FOXK1: variants seen among roughly 807,000 people sequenced by gnomAD.
FOXK1 encodes the protein forkhead box K1, also known as forkhead box protein K1.
A neutral mutation model predicts 51.9 loss-of-function variants in FOXK1; 19 were observed. That is an observed-to-expected ratio of 0.37 (90% confidence interval 0.26 to 0.54). The LOEUF is 0.54. FOXK1 is among the 20% of genes least tolerant of loss of function. FOXK1 has a pLI of 0.87. For missense variants in FOXK1, 870 were observed against 1,032.7 expected, an observed-to-expected ratio of 0.84 and a Z score of 2.16; for synonymous variants, 537 against 482.6, an observed-to-expected ratio of 1.11 and a Z score of -1.48.
intron 1 of FOXK1, among the ~76,000 whole-genome samples, chr7:4,732,750 C>G (rs906482151): frequency 6.6e-6 from 1 of 152,222 alleles, no homozygotes; most frequent in African/African-American, 2.4e-5. Context: ...AGTTTTCGCC[C>G]TGTTGTAGAC....
In FOXK1 at chr7:4,761,481, A is replaced by G. The variant is rs1319983415; in HGVS notation, c.1921+193A>G. Among the ~76,000 whole-genome samples, 1 of 152,068 alleles carries G rather than the reference A, an allele frequency of 6.6e-6. No homozygotes were observed. Among genetic ancestry groups the G allele is most frequent in the East Asian group, 1.9e-4 (1 of 5,180 alleles). On this transcript the variant is annotated intron_variant, in intron 8 of 8. Coordinates refer to ENST00000328914, the MANE Select transcript of FOXK1 (RefSeq NM_001037165.2). The surrounding 1 kb of genome is among the most constrained non-coding windows in gnomAD (Gnocchi z 6.2). ...GGAAGGGGCCACCTATCATCCCAGC[A>G]CCTTGGGAGGCCAAGGCAGGCAGAT...
chr7:4,746,942 A>G (rs1181871343), intron 2 of FOXK1, among the ~76,000 whole-genome samples: 1 of 152,036 alleles, frequency 6.6e-6, no homozygotes, highest in Non-Finnish European at 1.5e-5. Context: ...TTCCCAGCTG[A>G]GAACTCTGGG....
chr7:4,702,507 T>C (rs1378705274), intron 1 of FOXK1, among the ~76,000 whole-genome samples: 2 of 152,106 alleles, frequency 1.3e-5, no homozygotes, highest in Non-Finnish European at 2.9e-5. Flanking sequence ...CATGCCTGGC[T>C]AATTTTTTTG....
rs750705800 is a variant in FOXK1 at position 4,740,961 on chromosome 7, C to T, written c.684C>T (p.His228=). ...CCCAGATCTCCCCTCTGAAGATCCACATCCCGGAGCCGGACCTCCGGAGCA... is the reference window on the plus strand; with the variant it reads ...CCCAGATCTCCCCTCTGAAGATCCATATCCCGGAGCCGGACCTCCGGAGCA... ...LYPQISPLKI[H]IPEPDLRSMV... Residue 228 remains histidine, a synonymous_variant, in exon 2 of 9, where the codon CAC becomes CAT. Transcript: ENST00000328914. 5.7e-6 allele frequency: 9 copies of T among 1,567,420 alleles called. No individual in the cohort carries two copies. Among genetic ancestry groups the T allele is most frequent in the African/African-American group, 1.4e-5 (1 of 71,722 alleles).
At chr7:4,760,016 C>CA (rs1780910525) in intron 7 of FOXK1, 1 of 178,492 alleles carries the variant, frequency 5.6e-6, no homozygotes. Context: ...GGCGACAGAG[C>CA]AAAACCCTGT....
rs565305303 is a variant in FOXK1, at chr7:4,708,694, C to T, written c.560+25826C>T. On this transcript the variant is annotated intron_variant, in intron 1 of 8. Transcript: ENST00000328914. ...CTGTTCCCTTCCTGGGGCTCCCAGCCTGGGGTGAACTTCATTCCTGCCAGC... is the reference window on the plus strand; with the variant it reads ...CTGTTCCCTTCCTGGGGCTCCCAGCTTGGGGTGAACTTCATTCCTGCCAGC... 7.2e-5 allele frequency among the ~76,000 whole-genome samples: 11 copies of T among 152,320 alleles called. No individual in the cohort carries two copies. The East Asian group carries it at 1.7e-3, about 24-fold the overall frequency.
In FOXK1 at chr7:4,759,167, G is replaced by T. The variant is rs754614967; in HGVS notation, c.1361G>T (p.Gly454Val). 6.2e-7 allele frequency: 1 copy of T among 1,612,842 alleles called. No individual in the cohort carries two copies. Among genetic ancestry groups the T allele is most frequent in the Admixed American group, 1.7e-5 (1 of 60,028 alleles). The change falls in exon 6 of 9, where the codon GGG (glycine) becomes GTG (valine). Residue 454 changes from glycine (G) to valine (V), a missense_variant. Around this residue, in one of 3 missense-constraint regions of FOXK1, gnomAD observed 457 missense variants for 510.8 expected, o/e 0.89. Coordinates refer to ENST00000328914, the MANE Select transcript of FOXK1 (RefSeq NM_001037165.2). The stretch of plus-strand genomic sequence containing the variant: ...CCCATTCCACACGACCCTGAGTTTG[G>T]GTCCAAGTTAGCTTCTGTCCCAGAG... ...GSPIPHDPEF[G>V]SKLASVPEYR...
intron 1 of FOXK1, among the ~76,000 whole-genome samples, chr7:4,704,464 A>AAAAAG (rs1321850337): frequency 2.0e-5 from 3 of 151,678 alleles, no homozygotes; most frequent in African/African-American, 7.3e-5. Flanking sequence ...AAAAAAAAAA[A>AAAAAG]AAAAGAAAAG....
rs1341598076 is a variant in FOXK1, at chr7:4,767,524, G to A, written c.*5060G>A. The A allele has an allele frequency of 6.6e-6, 1 of 152,098 alleles. No homozygotes were observed. The highest frequency in any genetic ancestry group is 1.5e-5 in the Non-Finnish European group (1 of 68,048). The allele number at this position is 152,098 out of a possible 1,614,324, so 9.4% of individuals were successfully genotyped here. ...TGAGAATACTTTACATTGCTCACAT[G>A]TGCTGCTATGAAGACAGGATTAGTC... is the stretch of plus-strand genomic sequence containing the variant. On this transcript the variant is annotated 3_prime_UTR_variant, in exon 9 of 9. Coordinates refer to ENST00000328914, the MANE Select transcript of FOXK1 (RefSeq NM_001037165.2). This position sits in a 1 kb window ranked among gnomAD's most constrained non-coding sequence, Gnocchi z 6.6.
At chr7:4,686,584 G>C (rs1407090128) in intron 1 of FOXK1, among the ~76,000 whole-genome samples, 1 of 152,090 alleles carries the variant, frequency 6.6e-6, no homozygotes, top group East Asian at 1.9e-4. Flanking sequence ...TGACTTGGAG[G>C]AACTGCCCGG....
chr7:4,705,554 T>TCTCTCTCTCTCGCTCTCG lies in FOXK1; in HGVS notation c.560+22691_560+22692insTCTCTCGCTCTCGCTCTC, dbSNP rs895937029. Among the ~76,000 whole-genome samples, 6 of 131,600 alleles carry TCTCTCTCTCTCGCTCTCG rather than the reference T, an allele frequency of 4.6e-5. 1 individual carries two copies. The highest frequency in any genetic ancestry group is 1.9e-4 in the African/African-American group (6 of 31,788). The allele number at this position is 131,600 out of a possible 152,430, so 86.3% of individuals were successfully genotyped here. ...CTCTCTCTCTCTCTCTCTCTCTCTCTCTCTCGCTCTCGCTCTCTCGTCGCC... is the reference window on the plus strand; with the variant it reads ...CTCTCTCTCTCTCTCTCTCTCTCTCTCTCTCTCTCTCGCTCTCGCTCTCGCTCTCGCTCTCTCGTCGCC... On this transcript the variant is annotated intron_variant, in intron 1 of 8. Transcript: ENST00000328914.
At position 4,764,382 on chromosome 7, in the gene FOXK1, G is replaced by T. The variant is rs1019416865; in HGVS notation, c.*1918G>T. On this transcript the variant is annotated 3_prime_UTR_variant, in exon 9 of 9. Coordinates refer to ENST00000328914, the MANE Select transcript of FOXK1 (RefSeq NM_001037165.2). The stretch of plus-strand genomic sequence containing the variant: ...AAGCTCTTTGTGGAAGTCCGTACCT[G>T]TTGCCCTGGGTGAGGTTTCAGAGAA... 48 of 154,596 alleles carry T rather than the reference G, an allele frequency of 3.1e-4. No homozygotes were observed. Among genetic ancestry groups the T allele is most frequent in the African/African-American group, 1.1e-3 (47 of 41,662 alleles). The allele number at this position is 154,596 out of a possible 1,614,324, so 9.6% of individuals were successfully genotyped here. A position where few individuals can be genotyped will look rare whatever the true frequency, so the allele number is the denominator to read the frequency against.
Position 4,766,390 on chromosome 7 carries a change from T to G in FOXK1, c.*3926T>G, listed in dbSNP as rs1583216297. 1 of 152,176 alleles carries G rather than the reference T, an allele frequency of 6.6e-6. No individual in the cohort carries two copies. The highest frequency in any genetic ancestry group is 1.5e-5 in the Non-Finnish European group (1 of 68,026). 9.4% of individuals were successfully genotyped at this position (152,176 alleles called of 1,614,324 possible). A position where few individuals can be genotyped will look rare whatever the true frequency, so the allele number is the denominator to read the frequency against. On this transcript the variant is annotated 3_prime_UTR_variant, in exon 9 of 9. Coordinates refer to ENST00000328914, the MANE Select transcript of FOXK1 (RefSeq NM_001037165.2). This position sits in a 1 kb window ranked among gnomAD's most constrained non-coding sequence, Gnocchi z 5.5. ...CCAGGCAGTGCTGGGAAGACACTGGTGGCGGGGACCATGACCAGGCGGGTG... is the reference window on the plus strand; with the variant it reads ...CCAGGCAGTGCTGGGAAGACACTGGGGGCGGGGACCATGACCAGGCGGGTG...
In FOXK1 at chr7:4,709,957, C is replaced by T. The variant is rs1051602646; in HGVS notation, c.560+27089C>T. ...GTGTGTTAGGCGTTAACATTGTTCC[C>T]GCGTGAAGGGGTAGAAGAACAGGCA... On this transcript the variant is annotated intron_variant, in intron 1 of 8. Transcript: ENST00000328914. The surrounding 1 kb of genome is among the most constrained non-coding windows in gnomAD (Gnocchi z 5.6). Among the ~76,000 whole-genome samples, 2 of 152,166 alleles carry T rather than the reference C, an allele frequency of 1.3e-5. No individual in the cohort carries two copies. Among genetic ancestry groups the T allele is most frequent in the South Asian group, 2.1e-4 (1 of 4,832 alleles).
At chr7:4,708,300 G>C (rs934456726) in intron 1 of FOXK1, among the ~76,000 whole-genome samples, 42 of 152,184 alleles carry the variant, frequency 2.8e-4, no homozygotes, top group African/African-American at 9.9e-4. Flanking sequence ...ACATGACCTA[G>C]TTGCCGCAGT....
rs749703452 is a variant in FOXK1 at position 4,768,121 on chromosome 7, C to CTTTTTTTTTTTTT, written c.*5674_*5686dup. On this transcript the variant is annotated 3_prime_UTR_variant, in exon 9 of 9. Transcript: ENST00000328914. ...AAAAACAGACCCATTTCACTGACTT[C>CTTTTTTTTTTTTT]TTTTTTTTTTTTTTTTTTTTTTTTT... The CTTTTTTTTTTTTT allele has an allele frequency of 1.3e-5, 1 of 79,194 alleles. No homozygotes were observed. The highest frequency in any genetic ancestry group is 6.4e-5 in the African/African-American group (1 of 15,516). The allele number at this position is 79,194 out of a possible 1,614,324, so 4.9% of individuals were successfully genotyped here. A position where few individuals can be genotyped will look rare whatever the true frequency, so the allele number is the denominator to read the frequency against.
intron 1 of FOXK1, among the ~76,000 whole-genome samples, chr7:4,696,785 G>A (rs970813181): frequency 6.6e-5 from 10 of 152,084 alleles, no homozygotes; most frequent in African/African-American, 1.9e-4. Context: ...TGCCTCCTTC[G>A]GGCCAGGTGC....
rs532404367 is a variant in FOXK1, at chr7:4,753,757, C to T, written c.747-702C>T. Among the ~76,000 whole-genome samples the T allele has an allele frequency of 6.3e-4, 96 of 152,332 alleles. No homozygotes were observed. The highest frequency in any genetic ancestry group is 2.0e-3 in the African/African-American group (84 of 41,576). ...GGCCAGAGCACACCCCTCAGCCGGA[C>T]GGACGCAGCCTCCTGCCTGTGGTCC... On this transcript the variant is annotated intron_variant, in intron 2 of 8. Coordinates refer to ENST00000328914, the MANE Select transcript of FOXK1 (RefSeq NM_001037165.2). The surrounding 1 kb of genome is among the most constrained non-coding windows in gnomAD (Gnocchi z 4.9).
chr7:4,682,995 C>T lies in FOXK1; in HGVS notation c.560+127C>T. 1.0e-6 allele frequency: 1 copy of T among 994,558 alleles called. No individual in the cohort carries two copies. Among genetic ancestry groups the T allele is most frequent in the East Asian group, 3.1e-5 (1 of 32,162 alleles). The allele number at this position is 994,558 out of a possible 1,614,324, so 61.6% of individuals were successfully genotyped here. On this transcript the variant is annotated intron_variant, in intron 1 of 8. Transcript: ENST00000328914. This position sits in a 1 kb window ranked among gnomAD's most constrained non-coding sequence, Gnocchi z 7.6. ...CGACCCCCACCCCCCGGCCCACCCC[C>T]GGTAACCCCCGACCGGCCTGGACTC...
Sources: gnomAD v4.1 joint callset for allele counts (sites outside exome capture counted in the v4.1 genomes callset) on GRCh38, gnomAD v4.1.1 for gene constraint, gnomAD v4.1.1 regional missense constraint, Gnocchi (gnomAD v3.1) non-coding constraint, MANE v1.5 for transcripts, NCBI Gene and HGNC (gene_info 2026-07-23, HGNC 2026-07-21) for gene names.